Variants in ANO1 observed in about 807,000 individuals in gnomAD.
ANO1 encodes the protein anoctamin-1.
ANO1 carries 59 observed loss-of-function variants against 124.0 expected under a neutral mutation model. That is an observed-to-expected ratio of 0.48 (90% CI 0.39 to 0.59). ANO1 has a LOEUF of 0.59. Ranked by LOEUF, ANO1 falls within the 20% of genes least tolerant of loss-of-function variation. The pLI is 0.00. For missense variants in ANO1, 1,059 were observed against 1,328.0 expected (o/e 0.80, Z 3.15); for synonymous variants, 529 against 532.0 (o/e 0.99, Z 0.08).
At chr11:70,187,435 T>G (rs2049177728) in intron 25 of ANO1, among the ~76,000 whole-genome samples, 1 of 152,200 alleles carries the variant, frequency 6.6e-6, no homozygotes, top group Non-Finnish European at 1.5e-5. Context: ...CTCGTTAGAT[T>G]TGGCGATGTG....
chr11:70,001,968 AG>A (rs1432678658), intron 1 of ANO1, among the ~76,000 whole-genome samples: 1 of 152,010 alleles, frequency 6.6e-6, no homozygotes, highest in Non-Finnish European at 1.5e-5. Flanking sequence ...CCATTTTGGA[AG>A]GAGTGTTTAA....
intron 25 of ANO1, 79 bp from the exon 26 acceptor site, chr11:70,187,659 A>G (rs2049186361): frequency 1.3e-6 from 2 of 1,502,246 alleles, no homozygotes; most frequent in East Asian, 4.9e-5. Flanking sequence ...ACTCCACCAG[A>G]TGGGGGCCAG....
Position 70,188,078 on chromosome 11 carries a change from C to T in ANO1, c.*74C>T. On this transcript the variant is annotated 3_prime_UTR_variant, in exon 26 of 26. Coordinates refer to ENST00000355303, the MANE Select transcript of ANO1 (RefSeq NM_018043.7). Reference sequence around the variant, plus strand: ...CACCCTCTCCCAGGGCAGGCGGCTTCCCGCTCCCACCAGGGCCCGGTGGGT... The same window carrying T: ...CACCCTCTCCCAGGGCAGGCGGCTTTCCGCTCCCACCAGGGCCCGGTGGGT... 2 of 1,487,754 alleles carry T rather than the reference C, an allele frequency of 1.3e-6. No individual in the cohort carries two copies. The allele number at this position is 1,487,754 out of a possible 1,614,324, so 92.2% of individuals were successfully genotyped here.
chr11:69,999,579 G>C (rs4980715), intron 1 of ANO1, among the ~76,000 whole-genome samples: 88,351 of 152,084 alleles, frequency 0.58, 27,058 homozygotes, highest in East Asian at 0.97. Context: ...AACATAACAG[G>C]ATTCTAATGT....
chr11:70,059,348 C>CAAAA (rs1192273449), intron 1 of ANO1, among the ~76,000 whole-genome samples: 14 of 74,984 alleles, frequency 1.9e-4, no homozygotes, highest in Admixed American at 5.0e-4. Flanking sequence ...GAGACACTGT[C>CAAAA]AAAAAAAAAA....
chr11:69,995,226 A>G (rs1856246378), intron 1 of ANO1, among the ~76,000 whole-genome samples: 1 of 151,550 alleles, frequency 6.6e-6, no homozygotes, highest in African/African-American at 2.4e-5. Context: ...CAGCCTCCCA[A>G]GCAGCTGGGA....
intron 21 of ANO1, 83 bp from the exon 22 acceptor site, chr11:70,170,804 C>T (rs943729414): frequency 1.8e-5 from 27 of 1,508,296 alleles, no homozygotes; most frequent in Middle Eastern, 1.8e-4. Flanking sequence ...CAGACCTGTG[C>T]GGCTCGGCAC....
chr11:70,064,870 G>A (rs1857679760), intron 1 of ANO1: 1 of 152,236 alleles, frequency 6.6e-6, no homozygotes, highest in Non-Finnish European at 1.5e-5. Flanking sequence ...GACACTCGGG[G>A]CCATCACAGA....
chr11:70,060,040 A>G (rs1182912728), intron 1 of ANO1, among the ~76,000 whole-genome samples: 2 of 142,698 alleles, frequency 1.4e-5, no homozygotes, highest in East Asian at 4.1e-4. Context: ...TGTCCTTTAT[A>G]ATGAATGACT....
At chr11:70,010,179 G>GTATATATATA (rs71926266) in intron 1 of ANO1, among the ~76,000 whole-genome samples, 33 of 83,792 alleles carry the variant, frequency 3.9e-4, no homozygotes, top group East Asian at 1.2e-3. Flanking sequence ...GTGTGTGTGT[G>GTATATATATA]TATATATATA....
At chr11:70,169,172 C>G (rs915216813) in intron 21 of ANO1, among the ~76,000 whole-genome samples, 1 of 152,172 alleles carries the variant, frequency 6.6e-6, no homozygotes, top group Admixed American at 6.5e-5. Flanking sequence ...GTGGCAGCCC[C>G]TTCCCTGGAT....
chr11:70,040,575 C>G (rs550401252), intron 1 of ANO1, among the ~76,000 whole-genome samples: 1 of 152,062 alleles, frequency 6.6e-6, no homozygotes, highest in Non-Finnish European at 1.5e-5. Flanking sequence ...CTTGGGAGGC[C>G]GAGACATGAC....
At chr11:70,062,043 T>C (rs1329594675) in intron 1 of ANO1, among the ~76,000 whole-genome samples, 1 of 149,118 alleles carries the variant, frequency 6.7e-6, no homozygotes, top group African/African-American at 2.5e-5. Flanking sequence ...AATAGAGAGG[T>C]GATTTTTTTC....
chr11:70,071,101 C>T (rs1399557148), intron 1 of ANO1, among the ~76,000 whole-genome samples: 2 of 152,186 alleles, frequency 1.3e-5, no homozygotes, highest in Admixed American at 6.5e-5. Flanking sequence ...GCTCTCTTGG[C>T]TTCTTCAGTT....
intron 23 of ANO1, among the ~76,000 whole-genome samples, chr11:70,181,198 G>A (rs889242413): frequency 2.0e-5 from 3 of 152,152 alleles, no homozygotes; most frequent in African/African-American, 7.2e-5. Context: ...AATCCTCCCC[G>A]CCAAAAGTTG....
chr11:70,164,125 C>T (rs1342541946), intron 19 of ANO1, among the ~76,000 whole-genome samples: 1 of 152,150 alleles, frequency 6.6e-6, no homozygotes, highest in Non-Finnish European at 1.5e-5. Flanking sequence ...CTGTCACGGC[C>T]CATGGACTTG....
intron 16 of ANO1, among the ~76,000 whole-genome samples, chr11:70,157,385 G>A (rs900111058): frequency 1.6e-4 from 16 of 99,134 alleles, no homozygotes; most frequent in African/African-American, 3.7e-4. Context: ...AAAAAAAAAA[G>A]GATGCGATTG....
intron 11 of ANO1, among the ~76,000 whole-genome samples, chr11:70,137,208 C>T (rs912054259): frequency 6.8e-6 from 1 of 146,882 alleles, no homozygotes; most frequent in South Asian, 2.4e-4. Context: ...CCAGAGCTCC[C>T]GTTGTTTATC....
rs1052615623 is a variant in ANO1, at chr11:70,105,933, A to T, written c.747+145A>T. 2.5e-5 allele frequency: 22 copies of T among 868,644 alleles called. No individual in the cohort carries two copies. The African/African-American group carries it at 3.2e-4, about 13-fold the overall frequency. The allele number at this position is 868,644 out of a possible 1,614,324, so 53.8% of individuals were successfully genotyped here. ...AAATAATTAGAATAATGAAAGGGAG[A>T]GGGCAACGAGGGGCCCAGGGGATGG... On this transcript the variant is annotated intron_variant, in intron 5 of 25. Transcript: ENST00000355303.
Sources: allele counts gnomAD v4.1 joint callset (sites outside exome capture counted in the v4.1 genomes callset), GRCh38; gene constraint gnomAD v4.1.1; transcripts MANE v1.5; gene names NCBI Gene and HGNC (gene_info 2026-07-23, HGNC 2026-07-21).